Variants in EHBP1 observed in about 807,000 individuals in gnomAD.
EHBP1 encodes the protein EH domain binding protein 1.
A neutral mutation model predicts 144.0 loss-of-function variants in EHBP1; 55 were observed. The ratio of observed to expected loss-of-function variants is 0.38; its 90% CI spans 0.31 to 0.48. The LOEUF is 0.48. Among genes scored for constraint, EHBP1 ranks in the 20% least tolerant of loss-of-function variants. The pLI is 0.98. For missense variants in EHBP1, 1,200 were observed against 1,364.2 expected, an observed-to-expected ratio of 0.88 and a Z score of 1.90; for synonymous variants, 469 against 472.7, an observed-to-expected ratio of 0.99 and a Z score of 0.10.
intron 2 of EHBP1, among the ~76,000 whole-genome samples, chr2:62,720,987 A>G (rs1005505537): frequency 1.3e-5 from 2 of 151,914 alleles, no homozygotes; most frequent in South Asian, 4.1e-4. Context: ...TACCATTGTC[A>G]TTTATCAAAA....
chr2:63,014,271 G>A (rs2060392077), intron 19 of EHBP1, among the ~76,000 whole-genome samples: 1 of 152,116 alleles, frequency 6.6e-6, no homozygotes, highest in Non-Finnish European at 1.5e-5. Flanking sequence ...TTTTGTTATT[G>A]ATCTCTAATC....
chr2:63,037,934 G>A (rs1043128611), intron 20 of EHBP1, among the ~76,000 whole-genome samples: 1 of 151,956 alleles, frequency 6.6e-6, no homozygotes, highest in African/African-American at 2.4e-5. Context: ...TATTGAGAGA[G>A]GGGAAGATAA....
chr2:63,033,652 G>T (rs558638995), intron 19 of EHBP1, among the ~76,000 whole-genome samples: 1 of 151,948 alleles, frequency 6.6e-6, no homozygotes, highest in African/African-American at 2.4e-5. Flanking sequence ...ATAATTTCTG[G>T]TTTTTGACAT....
intron 15 of EHBP1, among the ~76,000 whole-genome samples, chr2:62,980,054 C>T (rs1037778925): frequency 6.6e-6 from 1 of 152,100 alleles, no homozygotes; most frequent in African/African-American, 2.4e-5. Context: ...GATACTTGCC[C>T]TGAGTTAATC....
intron 1 of EHBP1, among the ~76,000 whole-genome samples, chr2:62,696,026 T>C (rs2034075096): frequency 6.6e-6 from 1 of 152,194 alleles, no homozygotes; most frequent in African/African-American, 2.4e-5. Flanking sequence ...TCATTATTTT[T>C]TATTGTAAAA....
At chr2:62,795,748 A>G (rs2043493191) in intron 5 of EHBP1, among the ~76,000 whole-genome samples, 1 of 152,118 alleles carries the variant, frequency 6.6e-6, no homozygotes, top group Non-Finnish European at 1.5e-5. Flanking sequence ...TTTAAAAAAC[A>G]TGTATAGCCC....
chr2:62,674,998 A>C (rs1465518181), intron 1 of EHBP1, among the ~76,000 whole-genome samples: 1 of 152,174 alleles, frequency 6.6e-6, no homozygotes, highest in Non-Finnish European at 1.5e-5. Flanking sequence ...TAGTGGTCAG[A>C]GAGGGAGAAC....
intron 10 of EHBP1, chr2:62,940,095 A>T (rs1028800564): frequency 4.6e-6 from 2 of 434,756 alleles, no homozygotes; most frequent in African/African-American, 2.0e-5. Flanking sequence ...ACCAGTTGGG[A>T]TGCCTACCAA....
chr2:62,784,493 A>G (rs987219866), intron 5 of EHBP1, among the ~76,000 whole-genome samples: 3 of 152,198 alleles, frequency 2.0e-5, no homozygotes, highest in Non-Finnish European at 2.9e-5. Context: ...TCATCGAAAT[A>G]TAGTGAGGAT....
At chr2:62,866,726 G>C (rs1290330767) in intron 9 of EHBP1, among the ~76,000 whole-genome samples, 1 of 152,144 alleles carries the variant, frequency 6.6e-6, no homozygotes, top group African/African-American at 2.4e-5. Flanking sequence ...CAAAGGATCA[G>C]TGAACTGTGG....
chr2:62,714,607 A>G (rs1455558772), intron 2 of EHBP1, among the ~76,000 whole-genome samples: 1 of 152,214 alleles, frequency 6.6e-6, no homozygotes, highest in South Asian at 2.1e-4. Context: ...TAATACCTGT[A>G]ATAAAGGGGT....
intron 2 of EHBP1, among the ~76,000 whole-genome samples, chr2:62,722,205 C>G (rs2036297154): frequency 6.6e-6 from 1 of 151,818 alleles, no homozygotes; most frequent in South Asian, 2.1e-4. Flanking sequence ...GATCTTGGCT[C>G]ACTGCAACCT....
At chr2:62,829,276 T>G (rs2046596183) in intron 6 of EHBP1, among the ~76,000 whole-genome samples, 1 of 152,072 alleles carries the variant, frequency 6.6e-6, no homozygotes, top group Non-Finnish European at 1.5e-5. Flanking sequence ...AGTTCTTTAG[T>G]GATGATTTCT....
chr2:63,042,332 G>A (rs576407629), intron 21 of EHBP1, among the ~76,000 whole-genome samples: 4 of 152,132 alleles, frequency 2.6e-5, no homozygotes, highest in African/African-American at 9.6e-5. Context: ...GTATGAGTTT[G>A]TGTACATATA....
At chr2:62,782,895 A>G (rs1370852921) in intron 5 of EHBP1, among the ~76,000 whole-genome samples, 1 of 151,072 alleles carries the variant, frequency 6.6e-6, no homozygotes, top group Non-Finnish European at 1.5e-5. Context: ...TCATTCCAGC[A>G]TTAACCAAAA....
chr2:62,794,212 G>A (rs2043374934), intron 5 of EHBP1, among the ~76,000 whole-genome samples: 1 of 152,006 alleles, frequency 6.6e-6, no homozygotes, highest in Non-Finnish European at 1.5e-5. Flanking sequence ...TGGTGGACAT[G>A]ATTAGTGAAA....
chr2:62,820,751 T>C (rs1473991124), intron 5 of EHBP1, among the ~76,000 whole-genome samples: 2 of 105,526 alleles, frequency 1.9e-5, no homozygotes, highest in Non-Finnish European at 4.3e-5. Flanking sequence ...TATATATATA[T>C]ATATATATAT....
At chr2:62,997,736 C>T (rs981451032) in intron 19 of EHBP1, among the ~76,000 whole-genome samples, 1 of 151,970 alleles carries the variant, frequency 6.6e-6, no homozygotes, top group Non-Finnish European at 1.5e-5. Flanking sequence ...CAAAAATAAG[C>T]ATTTATATGG....
At chr2:62,721,285 A>G (rs954530040) in intron 2 of EHBP1, among the ~76,000 whole-genome samples, 1 of 152,184 alleles carries the variant, frequency 6.6e-6, no homozygotes, top group Admixed American at 6.5e-5. Flanking sequence ...TTGATAAGAT[A>G]CCACAGAGGT....
Sources: allele counts gnomAD v4.1 joint callset (sites outside exome capture counted in the v4.1 genomes callset), GRCh38; gene constraint gnomAD v4.1.1; transcripts MANE v1.5; gene names NCBI Gene and HGNC (gene_info 2026-07-23, HGNC 2026-07-21).